Variants in ASTN2 observed in about 807,000 individuals in gnomAD.
The protein encoded by ASTN2 is astrotactin 2, also known as astrotactin-2.
A neutral mutation model predicts 139.8 loss-of-function variants in ASTN2; 54 were observed. That is an observed-to-expected ratio of 0.39 (90% CI 0.31 to 0.48). The LOEUF (loss-of-function observed/expected upper bound fraction) is 0.48, where lower values mean the gene tolerates loss of function less well. Among genes scored for constraint, ASTN2 ranks in the 20% least tolerant of loss-of-function variants. The pLI is 0.95. For synonymous variants in ASTN2, 756 were observed against 719.5 expected (o/e 1.05, Z -0.81); for missense variants, 1,565 against 1,725.1 (o/e 0.91, Z 1.64).
chr9:117,150,000 C>T (rs1292350829), intron 3 of ASTN2, among the ~76,000 whole-genome samples: 2 of 152,244 alleles, frequency 1.3e-5, no homozygotes, highest in East Asian at 3.9e-4. Flanking sequence ...TGGGAATAGC[C>T]TTTTCTTATA....
chr9:117,136,662 G>C (rs1829958530), intron 4 of ASTN2, among the ~76,000 whole-genome samples: 1 of 152,204 alleles, frequency 6.6e-6, no homozygotes, highest in South Asian at 2.1e-4. Context: ...CAACGCTGCT[G>C]CAGGAATCTG....
At chr9:116,466,373 C>T (rs1418886108) in intron 20 of ASTN2, among the ~76,000 whole-genome samples, 1 of 152,174 alleles carries the variant, frequency 6.6e-6, no homozygotes, top group Non-Finnish European at 1.5e-5. Flanking sequence ...CTCTGCTCTG[C>T]AACAATGAGT....
chr9:117,155,317 T>C (rs538293199), intron 3 of ASTN2, among the ~76,000 whole-genome samples: 1 of 152,162 alleles, frequency 6.6e-6, no homozygotes, highest in Admixed American at 6.6e-5. Context: ...CAGGAAATCA[T>C]GTCTTCAGCA....
chr9:116,831,228 G>A (rs898196550), intron 11 of ASTN2, among the ~76,000 whole-genome samples: 3 of 152,000 alleles, frequency 2.0e-5, no homozygotes, highest in African/African-American at 7.2e-5. Flanking sequence ...GAGTATGAGG[G>A]TTGACAAAGT....
chr9:117,371,762 A>G (rs1232929944), intron 1 of ASTN2, among the ~76,000 whole-genome samples: 1 of 152,292 alleles, frequency 6.6e-6, no homozygotes, highest in Non-Finnish European at 1.5e-5. Context: ...CTGATGGATC[A>G]TCAGTGGATT....
chr9:116,927,729 G>A (rs1023675828), intron 10 of ASTN2, among the ~76,000 whole-genome samples: 4 of 152,114 alleles, frequency 2.6e-5, no homozygotes, highest in African/African-American at 7.2e-5. Flanking sequence ...TAAGCATCTC[G>A]GGGCTGGAGG....
intron 1 of ASTN2, among the ~76,000 whole-genome samples, chr9:117,404,514 A>G (rs1184281481): frequency 2.0e-5 from 3 of 152,204 alleles, no homozygotes. Context: ...AGGATACACT[A>G]TATATTTGGA....
rs1491583433 is a variant in ASTN2, at chr9:116,565,387, C to CTCTCTCTCTCTCTCTCT, written c.3355+52936_3355+52937insAGAGAGAGAGAGAGAGA. 3.1e-4 allele frequency among the ~76,000 whole-genome samples: 13 copies of CTCTCTCTCTCTCTCTCT among 42,076 alleles called. 1 individual carries two copies. The highest frequency in any genetic ancestry group is 3.5e-4 in the Admixed American group (1 of 2,866). 27.6% of individuals were successfully genotyped at this position (42,076 alleles called of 152,430 possible). ...TCTCTCTCTCTCTCTCTCTCTCTCT[C>CTCTCTCTCTCTCTCTCT]CATATATATATATATATATATATAT... On this transcript the variant is annotated intron_variant, in intron 19 of 22. Coordinates refer to ENST00000313400, the MANE Select transcript of ASTN2 (RefSeq NM_001365068.1).
At chr9:116,764,248 C>T (rs1469025633) in intron 13 of ASTN2, among the ~76,000 whole-genome samples, 2 of 152,196 alleles carry the variant, frequency 1.3e-5, no homozygotes, top group African/African-American at 2.4e-5. Context: ...ATGGGGACTG[C>T]CTCGGCCTCA....
At chr9:116,802,603 C>T (rs536997956) in intron 13 of ASTN2, among the ~76,000 whole-genome samples, 1 of 152,310 alleles carries the variant, frequency 6.6e-6, no homozygotes, top group Admixed American at 6.5e-5. Flanking sequence ...CCAAGCTATC[C>T]TTCACACAAC....
At chr9:116,496,342 G>A (rs1849668635) in intron 19 of ASTN2, among the ~76,000 whole-genome samples, 1 of 152,196 alleles carries the variant, frequency 6.6e-6, no homozygotes, top group Non-Finnish European at 1.5e-5. Flanking sequence ...GGGAGCACAA[G>A]CATAAAGAAC....
chr9:116,726,281 A>G (rs1055775284), intron 15 of ASTN2, among the ~76,000 whole-genome samples: 1 of 152,226 alleles, frequency 6.6e-6, no homozygotes, highest in Non-Finnish European at 1.5e-5. Flanking sequence ...ACCAATGTGT[A>G]CTGGGAAAAC....
intron 1 of ASTN2, among the ~76,000 whole-genome samples, chr9:117,326,088 C>T (rs536685020): frequency 6.6e-6 from 1 of 152,176 alleles, no homozygotes; most frequent in African/African-American, 2.4e-5. Context: ...TTTGGCAGCT[C>T]TTCTAATTTT....
intron 3 of ASTN2, among the ~76,000 whole-genome samples, chr9:117,164,593 G>A (rs1484555745): frequency 6.6e-6 from 1 of 152,066 alleles, no homozygotes; most frequent in South Asian, 2.1e-4. Flanking sequence ...GCTCTGAAGT[G>A]TGTTATTCAT....
chr9:116,859,504 T>C (rs1832823237), intron 11 of ASTN2, among the ~76,000 whole-genome samples: 2 of 152,228 alleles, frequency 1.3e-5, no homozygotes, highest in South Asian at 2.1e-4. Context: ...ATCATTATAA[T>C]GACAATAATA....
At chr9:117,272,035 C>T (rs767788970) in intron 2 of ASTN2, among the ~76,000 whole-genome samples, 13 of 152,210 alleles carry the variant, frequency 8.5e-5, no homozygotes, top group African/African-American at 2.2e-4. Flanking sequence ...TCCAACCCCA[C>T]GTTTCTCTTC....
chr9:116,918,562 T>C (rs1410059092), intron 10 of ASTN2, among the ~76,000 whole-genome samples: 2 of 152,208 alleles, frequency 1.3e-5, no homozygotes, highest in African/African-American at 2.4e-5. Flanking sequence ...TTCAAACTTT[T>C]TTTTCATATT....
intron 2 of ASTN2, among the ~76,000 whole-genome samples, chr9:117,219,373 A>G (rs77436042): frequency 0.013 from 1,983 of 152,264 alleles, 43 homozygotes; most frequent in African/African-American, 0.045. Flanking sequence ...CAAGCAGTGG[A>G]AAAAAATGCT....
rs530514450 is a variant in ASTN2, at chr9:117,178,779, G to A, written c.1015+35579C>T. ...GGCTGGCAAAACATCATCTGCAGGGGAGAAGGCTGGGCCCAGCTGGGCTGC... is the reference window on the plus strand; with the variant it reads ...GGCTGGCAAAACATCATCTGCAGGGAAGAAGGCTGGGCCCAGCTGGGCTGC... On this transcript the variant is annotated intron_variant, in intron 3 of 22. Transcript: ENST00000313400. Among the ~76,000 whole-genome samples, 9 of 152,310 alleles carry A rather than the reference G, an allele frequency of 5.9e-5. No homozygotes were observed. In the East Asian group the frequency reaches 1.5e-3, roughly 26 times the overall value.
Sources: gnomAD v4.1 joint callset for allele counts (sites outside exome capture counted in the v4.1 genomes callset) on GRCh38, gnomAD v4.1.1 for gene constraint, MANE v1.5 for transcripts, NCBI Gene and HGNC (gene_info 2026-07-23, HGNC 2026-07-21) for gene names.